MYO7B: variants seen among roughly 807,000 people sequenced by gnomAD.
The protein encoded by MYO7B is myosin VIIB.
In MYO7B, 212 loss-of-function variants were observed where a neutral mutation model predicts 259.7. The ratio of observed to expected loss-of-function variants is 0.82; its 90% confidence interval spans 0.73 to 0.91. The LOEUF is 0.91. MYO7B is among the 40% of genes least tolerant of loss of function. MYO7B has a pLI of 0.00. For synonymous variants in MYO7B, 1,197 were observed against 1,166.4 expected (o/e 1.03, Z -0.54); for missense variants, 2,732 against 2,813.5 (o/e 0.97, Z 0.66).
At chr2:127,631,878 C>A in intron 38 of MYO7B, 125 bp downstream of exon 38, 1 of 1,285,570 alleles carries the variant, frequency 7.8e-7, no homozygotes, top group African/African-American at 1.5e-5. Context: ...TGGGCTCCTG[C>A]CTCAGCAGTG....
At chr2:127,603,965 C>G (rs550507557) in intron 19 of MYO7B, among the ~76,000 whole-genome samples, 23 of 152,240 alleles carry the variant, frequency 1.5e-4, no homozygotes, top group African/African-American at 4.8e-4. Context: ...AACCCCATCT[C>G]TACTAAAAAT....
chr2:127,628,640 G>A lies in MYO7B; in HGVS notation c.4624+105G>A. ...CTCATCTCCACACAGCAGCCACAAG[G>A]CAAGCAGAGGGAGGGAAGGCCCCAA... On this transcript the variant is annotated intron_variant, in intron 34 of 47. Transcript: ENST00000409816. The surrounding 1 kb of genome is among the most constrained non-coding windows in gnomAD (Gnocchi z 4.8). 8.0e-7 allele frequency: 1 copy of A among 1,248,054 alleles called. No homozygotes were observed. Among genetic ancestry groups the A allele is most frequent in the South Asian group, 1.5e-5 (1 of 68,774 alleles). The allele number at this position is 1,248,054 out of a possible 1,614,324, so 77.3% of individuals were successfully genotyped here. A position where few individuals can be genotyped will look rare whatever the true frequency, so the allele number is the denominator to read the frequency against.
At chr2:127,629,880 C>A in intron 35 of MYO7B, 54 bp downstream of exon 35, 1 of 1,505,390 alleles carries the variant, frequency 6.6e-7, no homozygotes, top group Non-Finnish European at 8.9e-7. Context: ...CAGGGTGGAG[C>A]AGTCCTGGGA....
rs1680315244 is a variant in MYO7B, at chr2:127,609,973, G to A, written c.3149G>A (p.Arg1050Lys). Residue 1050 changes from arginine to lysine, a missense_variant, in exon 24 of 48, where the codon AGG becomes AAG. This residue lies in a region of MYO7B where 1,906 missense variants were observed against 2,026.4 expected (regional missense o/e 0.94). Transcript: ENST00000409816. This position sits in a 1 kb window ranked among gnomAD's most constrained non-coding sequence, Gnocchi z 6.9. The stretch of plus-strand genomic sequence containing the variant: ...CGGCAGATCCATGACACGCTGGGCA[G>A]GGAGCACGGTGCCCAGGTTCCACAG... The part of the protein sequence containing the change: ...VMRQIHDTLG[R>K]EHGAQVPQHS... 1.2e-6 allele frequency: 2 copies of A among 1,608,230 alleles called. No individual in the cohort carries two copies. Among genetic ancestry groups the A allele is most frequent in the Middle Eastern group, 1.7e-4 (1 of 6,022 alleles).
At chr2:127,592,997 C>G (rs1392042194) in intron 17 of MYO7B, 51 bp downstream of exon 17, 5 of 1,407,790 alleles carry the variant, frequency 3.6e-6, no homozygotes, top group Non-Finnish European at 4.6e-6. Flanking sequence ...GCCTTCCCCT[C>G]GGCCTTGGCA....
intron 1 of MYO7B, among the ~76,000 whole-genome samples, chr2:127,542,957 C>A (rs1340449454): frequency 6.6e-6 from 1 of 152,238 alleles, no homozygotes; most frequent in Admixed American, 6.5e-5. Context: ...CATGTCTCAC[C>A]TCCAGCCCTA....
chr2:127,585,483 C>A lies in MYO7B; in HGVS notation c.1690+570C>A, dbSNP rs143459881. Among the ~76,000 whole-genome samples the A allele has an allele frequency of 1.3e-5, 2 of 152,122 alleles. No individual in the cohort carries two copies. Among genetic ancestry groups the A allele is most frequent in the African/African-American group, 4.8e-5 (2 of 41,416 alleles). On this transcript the variant is annotated intron_variant, in intron 14 of 47. Transcript: ENST00000409816. The surrounding 1 kb of genome is among the most constrained non-coding windows in gnomAD (Gnocchi z 4.3). ...GAATGTTTATCTCGTCATCAGTTGG[C>A]GGACATTTGGGTTTTTTCCACTTTT...
rs1016120779 is a variant in MYO7B at position 127,637,456 on chromosome 2, A to G, written c.*39A>G. 3.5e-6 allele frequency: 5 copies of G among 1,425,454 alleles called. No individual in the cohort carries two copies. The South Asian group carries it at 4.4e-5, about 12-fold the overall frequency. 88.3% of individuals were successfully genotyped at this position (1,425,454 alleles called of 1,614,324 possible). A position where few individuals can be genotyped will look rare whatever the true frequency, so the allele number is the denominator to read the frequency against. On this transcript the variant is annotated 3_prime_UTR_variant, in exon 48 of 48. Transcript: ENST00000409816. ...CGTGTCTGCTCAGGCGCCCTTCCCG[A>G]CCTCTAGCCTGGCGGCACCTTCCCA...
intron 40 of MYO7B, among the ~76,000 whole-genome samples, 189 bp from the exon 41 acceptor site, chr2:127,633,987 G>A (rs548808072): frequency 7.9e-5 from 12 of 152,380 alleles, no homozygotes; most frequent in Middle Eastern, 3.4e-3. Context: ...CCCCAGGACA[G>A]CGAATGCTGG....
At chr2:127,633,474 G>C (rs978537436) in intron 40 of MYO7B, 111 bp downstream of exon 40, 28 of 1,066,022 alleles carry the variant, frequency 2.6e-5, no homozygotes, top group Non-Finnish European at 9.7e-6. Context: ...CCTTTTCTAG[G>C]GCTGTCCCAT....
chr2:127,609,427 G>C lies in MYO7B; in HGVS notation c.2815-79G>C. 1 of 1,352,562 alleles carries C rather than the reference G, an allele frequency of 7.4e-7. No homozygotes were observed. The highest frequency in any genetic ancestry group is 1.8e-4 in the Middle Eastern group (1 of 5,544). The allele number at this position is 1,352,562 out of a possible 1,614,324, so 83.8% of individuals were successfully genotyped here. A position where few individuals can be genotyped will look rare whatever the true frequency, so the allele number is the denominator to read the frequency against. On this transcript the variant is annotated intron_variant, in intron 22 of 47. Coordinates refer to ENST00000409816, the MANE Select transcript of MYO7B (RefSeq NM_001393586.1). The surrounding 1 kb of genome is among the most constrained non-coding windows in gnomAD (Gnocchi z 6.9). ...TAATGCAACAGCCCCCGTGCTGCCCGGCCTGCTGGACAGTCAGCTGATGGG... is the reference window on the plus strand; with the variant it reads ...TAATGCAACAGCCCCCGTGCTGCCCCGCCTGCTGGACAGTCAGCTGATGGG...
Position 127,588,392 on chromosome 2 carries a change from G to A in MYO7B, c.1691G>A (p.Gly564Asp). 1 of 1,612,498 alleles carries A rather than the reference G, an allele frequency of 6.2e-7. No individual in the cohort carries two copies. The highest frequency in any genetic ancestry group is 1.1e-5 in the South Asian group (1 of 91,002). Residue 564 changes from glycine (G) to aspartate (D), a missense_variant and splice_region_variant, in exon 15 of 48, where the codon GGC becomes GAC. Transcript: ENST00000409816. ...CTGGGTGGGCCCTGTGTCTCCACAGGCTTCCTGGAGAAGAACCGAGACGTG... is the reference window on the plus strand; with the variant it reads ...CTGGGTGGGCCCTGTGTCTCCACAGACTTCCTGGAGAAGAACCGAGACGTG... ...FAGEVYYQAE[G>D]FLEKNRDVLS...
chr2:127,569,682 C>A, intron 5 of MYO7B, 107 bp from the exon 6 acceptor site: 2 of 1,408,184 alleles, frequency 1.4e-6, no homozygotes, highest in Non-Finnish European at 1.9e-6. Context: ...GAGGCCATCC[C>A]TGTCAGACTG....
At chr2:127,621,617 T>C (rs1282570096) in intron 27 of MYO7B, among the ~76,000 whole-genome samples, 1 of 152,204 alleles carries the variant, frequency 6.6e-6, no homozygotes, top group Non-Finnish European at 1.5e-5. Context: ...ACCTCCCAAA[T>C]GCCAGCTTGA....
At chr2:127,540,256 C>T (rs1460168800) in intron 1 of MYO7B, among the ~76,000 whole-genome samples, 3 of 151,962 alleles carry the variant, frequency 2.0e-5, no homozygotes, top group Non-Finnish European at 2.9e-5. Flanking sequence ...CTCCGCCTCC[C>T]GGATTCAAAT....
At chr2:127,589,948 ATGGGTGGG>A (rs1230485067) in intron 15 of MYO7B, 136 bp from the exon 16 acceptor site, 1 of 870,308 alleles carries the variant, frequency 1.1e-6, no homozygotes, top group Non-Finnish European at 1.7e-6. Flanking sequence ...GGATACATGG[ATGGGTGGG>A]TGGGTGGATT....
rs551087428 is a variant in MYO7B, at chr2:127,570,331, C to G, written c.592+421C>G. 1.4e-4 allele frequency among the ~76,000 whole-genome samples: 22 copies of G among 152,296 alleles called. 2 individuals carry two copies. The South Asian group carries it at 2.1e-3, about 14-fold the overall frequency. On this transcript the variant is annotated intron_variant, in intron 6 of 47. Transcript: ENST00000409816. ...AGAAAGCAGGAGTGGGCAGGATGAG[C>G]CTTCAAACTTGGATGCTGCTCAGAC...
chr2:127,636,046 C>G lies in MYO7B; in HGVS notation c.6006+139C>G, dbSNP rs1308205388. The G allele has an allele frequency of 8.9e-7, 1 of 1,127,714 alleles. No homozygotes were observed. Among genetic ancestry groups the G allele is most frequent in the East Asian group, 2.6e-5 (1 of 38,748 alleles). 69.9% of individuals were successfully genotyped at this position (1,127,714 alleles called of 1,614,324 possible). ...GGAGGGTGGGCTGGCTCTGCACACA[C>G]CACGCCTTCCTATGCCATCCACAGC... On this transcript the variant is annotated intron_variant, in intron 44 of 47. Transcript: ENST00000409816. This position sits in a 1 kb window ranked among gnomAD's most constrained non-coding sequence, Gnocchi z 4.5.
In MYO7B at chr2:127,632,379, C is replaced by A; in HGVS notation, c.5383C>A (p.Arg1795Ser). The A allele has an allele frequency of 6.3e-7, 1 of 1,575,934 alleles. No individual in the cohort carries two copies. Among genetic ancestry groups the A allele is most frequent in the Non-Finnish European group, 8.6e-7 (1 of 1,160,534 alleles). Reference sequence around the variant, plus strand: ...GAAGCTGCTGGCCCCCGACTGCAGCCGCCGAATCCAGAAGGTCCTGAGGTG... The same window carrying A: ...GAAGCTGCTGGCCCCCGACTGCAGCAGCCGAATCCAGAAGGTCCTGAGGTG... ...RGKLLAPDCSRRIQKVLRTGP... is the reference protein window; with the variant it reads ...RGKLLAPDCSSRIQKVLRTGP... Residue 1795 changes from arginine to serine, a missense_variant, in exon 39 of 48, where the codon CGC becomes AGC. Physicochemically the swap from Arg to Ser is moderately radical, Grantham distance 110. This residue lies in a region of MYO7B where 821 missense variants were observed against 769.3 expected (regional missense o/e 1.07). Transcript: ENST00000409816.
Sources: allele counts gnomAD v4.1 joint callset (sites outside exome capture counted in the v4.1 genomes callset), GRCh38; gene constraint gnomAD v4.1.1; regional missense constraint gnomAD v4.1.1; non-coding constraint Gnocchi (gnomAD v3.1); transcripts MANE v1.5; gene names NCBI Gene and HGNC (gene_info 2026-07-23, HGNC 2026-07-21).